CAST: variants seen among roughly 807,000 people sequenced by gnomAD.
CAST encodes calpastatin, also known as MIR583 host.
In CAST, 76 loss-of-function variants were observed where a neutral mutation model predicts 119.6. The ratio of observed to expected loss-of-function variants is 0.64; its 90% CI spans 0.53 to 0.77. The LOEUF is 0.77. Ranked by LOEUF, CAST falls within the 30% of genes least tolerant of loss-of-function variation. The probability of loss-of-function intolerance (pLI) is 0.00; values close to 1 mark genes in which losing one functional copy is unlikely to be tolerated. For synonymous variants in CAST, 319 were observed against 331.6 expected, an observed-to-expected ratio of 0.96 and a Z score of 0.41; for missense variants, 953 against 946.5, an observed-to-expected ratio of 1.01 and a Z score of -0.09.
chr5:96,565,342 A>T (rs261223), intron 1 of CAST, among the ~76,000 whole-genome samples: 69 of 151,980 alleles, frequency 4.5e-4, no homozygotes, highest in Non-Finnish European at 5.4e-4. Flanking sequence ...TCATTCTACA[A>T]GGTATACATG....
At chr5:96,325,497 T>G in the CAST span, among the ~76,000 whole-genome samples, 3 of 151,794 alleles carry the variant, frequency 2.0e-5, no homozygotes, top group Non-Finnish European at 4.4e-5. Context: ...ATTTATTTTT[T>G]GAGACGGAGA....
chr5:96,237,534 A>G, the CAST span, among the ~76,000 whole-genome samples: 2 of 152,202 alleles, frequency 1.3e-5, no homozygotes, highest in Non-Finnish European at 2.9e-5. Flanking sequence ...GAAAGTTTCT[A>G]TAATTTGTAT....
chr5:96,437,397 G>T, the CAST span, among the ~76,000 whole-genome samples: 4 of 152,106 alleles, frequency 2.6e-5, no homozygotes, highest in African/African-American at 9.7e-5. Context: ...TCTTTAACAG[G>T]TTCTTTTAAA....
chr5:96,061,362 C>CAGCA, the CAST span, among the ~76,000 whole-genome samples: 1 of 152,054 alleles, frequency 6.6e-6, no homozygotes, highest in East Asian at 1.9e-4. Flanking sequence ...CTAGTGATCC[C>CAGCA]AGCAACAATC....
At chr5:96,284,871 G>A in the CAST span, among the ~76,000 whole-genome samples, 1 of 152,144 alleles carries the variant, frequency 6.6e-6, no homozygotes, top group Admixed American at 6.5e-5. Flanking sequence ...AGTCTTCATG[G>A]AAAGTGAAAA....
chr5:96,641,907 C>A (rs1011028867), intron 1 of CAST, among the ~76,000 whole-genome samples: 8 of 152,170 alleles, frequency 5.3e-5, no homozygotes, highest in Middle Eastern at 3.2e-3. Flanking sequence ...ACAGCTCAAT[C>A]CTAAATGCAG....
At chr5:96,046,701 A>G in the CAST span, among the ~76,000 whole-genome samples, 1 of 152,232 alleles carries the variant, frequency 6.6e-6, no homozygotes, top group African/African-American at 2.4e-5. Context: ...GTATTAGTTC[A>G]TTTTCACAGT....
At chr5:96,286,538 G>A in the CAST span, among the ~76,000 whole-genome samples, 2 of 152,182 alleles carry the variant, frequency 1.3e-5, no homozygotes, top group Non-Finnish European at 2.9e-5. Context: ...GAAACACCAT[G>A]CTTTGCACCA....
At chr5:96,084,588 C>G in the CAST span, among the ~76,000 whole-genome samples, 1 of 152,168 alleles carries the variant, frequency 6.6e-6, no homozygotes, top group Admixed American at 6.5e-5. Context: ...CTAATTGGAT[C>G]AGAGAAATAA....
At chr5:96,567,167 C>T (rs1040305314) in intron 1 of CAST, among the ~76,000 whole-genome samples, 2 of 152,330 alleles carry the variant, frequency 1.3e-5, no homozygotes, top group East Asian at 1.9e-4. Flanking sequence ...CACTGCCAGA[C>T]AAATTTTCTT....
chr5:95,974,552 A>T, the CAST span, among the ~76,000 whole-genome samples: 71 of 152,308 alleles, frequency 4.7e-4, no homozygotes, highest in South Asian at 1.2e-3. Context: ...CTGGCTTCTG[A>T]TATTCTGCAA....
At chr5:96,723,065 C>A (rs1758595781) in intron 4 of CAST, among the ~76,000 whole-genome samples, 1 of 152,160 alleles carries the variant, frequency 6.6e-6, no homozygotes, top group Non-Finnish European at 1.5e-5. Flanking sequence ...ATCTCGGCCT[C>A]TTGAGTAGCT....
the CAST span, among the ~76,000 whole-genome samples, chr5:96,372,428 C>G: frequency 1.3e-5 from 2 of 152,062 alleles, no homozygotes; most frequent in Non-Finnish European, 2.9e-5. Context: ...TGGTGGTTGC[C>G]CTCGGAAGAC....
chr5:96,133,397 T>C, the CAST span, among the ~76,000 whole-genome samples: 3 of 151,934 alleles, frequency 2.0e-5, no homozygotes, highest in African/African-American at 4.8e-5. Context: ...GGCAGAATAA[T>C]GGAAGGAGTG....
rs558895000 is a variant in CAST, at chr5:96,674,619, C to T, written c.76-920C>T. ...AAAGTTATGGCTTATTTTATCTTAT[C>T]GCCAAAACAAATGAATATGTAAGCT... On this transcript the variant is annotated intron_variant, in intron 1 of 31. Transcript: ENST00000675179. 9.9e-5 allele frequency among the ~76,000 whole-genome samples: 15 copies of T among 152,120 alleles called. No homozygotes were observed. The South Asian group carries it at 2.9e-3, about 29-fold the overall frequency.
At chr5:96,286,215 T>C in the CAST span, among the ~76,000 whole-genome samples, 2 of 152,216 alleles carry the variant, frequency 1.3e-5, no homozygotes, top group African/African-American at 4.8e-5. Flanking sequence ...CATTTTCAAA[T>C]GAAATTCTCT....
the CAST span, among the ~76,000 whole-genome samples, chr5:96,436,833 G>A: frequency 6.6e-6 from 1 of 152,176 alleles, no homozygotes; most frequent in African/African-American, 2.4e-5. Context: ...ACACCTGCCA[G>A]AAGTCCCTGA....
chr5:96,361,840 T>C, the CAST span, among the ~76,000 whole-genome samples: 1 of 151,528 alleles, frequency 6.6e-6, no homozygotes, highest in Non-Finnish European at 1.5e-5. Flanking sequence ...CTTTTCTTTT[T>C]TTTTTTAGTT....
rs140952974 is a variant in CAST at position 96,654,327 on chromosome 5, T to C, written c.61-21212T>C. 9.5e-4 allele frequency among the ~76,000 whole-genome samples: 144 copies of C among 152,190 alleles called. 3 individuals are homozygous for C. The highest frequency in any genetic ancestry group is 3.2e-3 in the African/African-American group (132 of 41,548). ...GATGTGAGCCACCGCACCCGGCCCA[T>C]TTTCTTTTTTCAATTCTTTTTCTTA... On this transcript the variant is annotated intron_variant, in intron 1 of 11. Coordinates refer to the CAST transcript ENST00000505143.
Sources: allele counts gnomAD v4.1 joint callset (sites outside exome capture counted in the v4.1 genomes callset), GRCh38; gene constraint gnomAD v4.1.1; transcripts MANE v1.5; gene names NCBI Gene and HGNC (gene_info 2026-07-23, HGNC 2026-07-21).